The following CD109 variants were observed in gnomAD, a reference collection of about 807,000 sequenced individuals.
CD109 encodes the protein CD109 molecule.
In CD109, 149 loss-of-function variants were observed where a neutral mutation model predicts 165.8. The observed-to-expected ratio is 0.90, with a 90% confidence interval of 0.79 to 1.03. The LOEUF is 1.03. Ranked by LOEUF, CD109 falls within the 50% of genes least tolerant of loss-of-function variation. CD109 has a pLI of 0.00. For missense variants in CD109, 1,712 were observed against 1,677.8 expected (o/e 1.02, Z -0.36); for synonymous variants, 585 against 592.1 (o/e 0.99, Z 0.18).
At chr6:73,773,960 A>G in intron 15 of CD109, among the ~76,000 whole-genome samples, 1 of 151,816 alleles carries the variant, frequency 6.6e-6, no homozygotes, top group East Asian at 1.9e-4. Context: ...TTTCTCTGGG[A>G]GAGTTCTTCA....
At chr6:73,809,761 T>G (rs949316836) in intron 26 of CD109, among the ~76,000 whole-genome samples, 4 of 152,118 alleles carry the variant, frequency 2.6e-5, no homozygotes, top group Admixed American at 6.6e-5. Flanking sequence ...ATACTTAACT[T>G]GTAATAGTTT....
intron 32 of CD109, among the ~76,000 whole-genome samples, chr6:73,821,951 G>C (rs1406873735): frequency 1.3e-5 from 2 of 152,148 alleles, no homozygotes. Context: ...CAGTAGCATC[G>C]GCTGGAGTTA....
chr6:73,819,127 G>A (rs1776032549), intron 31 of CD109, among the ~76,000 whole-genome samples: 1 of 152,230 alleles, frequency 6.6e-6, no homozygotes. Flanking sequence ...GAGCCGCCAT[G>A]CCTGGCTGGA....
Position 73,736,509 on chromosome 6 carries a change from G to A in CD109, c.633+1G>A, listed in dbSNP as rs761881225. The A allele has an allele frequency of 8.1e-6, 13 of 1,608,132 alleles. No individual in the cohort carries two copies. The South Asian group carries it at 1.0e-4, about 12-fold the overall frequency. On this transcript the variant is annotated splice_donor_variant, in intron 5 of 32. Transcript: ENST00000287097. LOFTEE classifies it high-confidence loss of function. ...CTGGTCTATTCAAGTTCAAGTGAAT[G>A]TGAGTATAAATATATTTTTTGGGGG... is the stretch of plus-strand genomic sequence containing the variant.
chr6:73,760,338 C>T (rs1340183682), intron 7 of CD109, among the ~76,000 whole-genome samples: 1 of 123,006 alleles, frequency 8.1e-6, no homozygotes, highest in Non-Finnish European at 1.6e-5. Flanking sequence ...ACCTGGGAGG[C>T]GGAGCTTGCA....
chr6:73,680,809 T>A, the CD109 span, among the ~76,000 whole-genome samples: 4 of 152,180 alleles, frequency 2.6e-5, no homozygotes, highest in African/African-American at 9.7e-5. Flanking sequence ...GTGTCGTTTG[T>A]CTTCTGAGTT....
At chr6:73,804,436 AG>A (rs1405545403) in intron 24 of CD109, among the ~76,000 whole-genome samples, 1 of 152,204 alleles carries the variant, frequency 6.6e-6, no homozygotes, top group African/African-American at 2.4e-5. Flanking sequence ...GGCCACGTAG[AG>A]TCTCCGTTGC....
At chr6:73,722,126 G>A (rs1457747560) in intron 2 of CD109, among the ~76,000 whole-genome samples, 1 of 152,172 alleles carries the variant, frequency 6.6e-6, no homozygotes, top group East Asian at 1.9e-4. Context: ...GGTATACTAA[G>A]TATTTTTATT....
At chr6:73,738,414 T>C (rs1772627945) in intron 5 of CD109, among the ~76,000 whole-genome samples, 1 of 152,226 alleles carries the variant, frequency 6.6e-6, no homozygotes, top group Non-Finnish European at 1.5e-5. Flanking sequence ...TTTTGGTCCA[T>C]TCAGATGCCA....
chr6:73,763,099 CTCT>C (rs1387046426), intron 9 of CD109, among the ~76,000 whole-genome samples: 1 of 152,140 alleles, frequency 6.6e-6, no homozygotes, highest in African/African-American at 2.4e-5. Context: ...CATGTGATAG[CTCT>C]TCTTAATTTT....
At chr6:73,699,971 T>C (rs1478807373) in intron 2 of CD109, among the ~76,000 whole-genome samples, 7 of 152,256 alleles carry the variant, frequency 4.6e-5, no homozygotes. Context: ...GTTGTAACAA[T>C]ATGTAGATAA....
rs199675077 is a variant in CD109 at position 73,747,995 on chromosome 6, G to GAGT, written c.634-8645_634-8643dup. Among the ~76,000 whole-genome samples, 731 of 151,376 alleles carry GAGT rather than the reference G, an allele frequency of 4.8e-3. 2 individuals are homozygous for GAGT. Among genetic ancestry groups the GAGT allele is most frequent in the Non-Finnish European group, 7.4e-3 (505 of 67,900 alleles). Reference sequence around the variant, plus strand: ...AGTGATCTTCCTGCCTCCATCTCCCGAGTAGCTGGGAGTACAGGCGTGTGC... The same window carrying GAGT: ...AGTGATCTTCCTGCCTCCATCTCCCGAGTAGTAGCTGGGAGTACAGGCGTGTGC... On this transcript the variant is annotated intron_variant, in intron 5 of 32. Coordinates refer to ENST00000287097, the MANE Select transcript of CD109 (RefSeq NM_133493.5).
chr6:73,820,048 C>A (rs1170638691), intron 31 of CD109, among the ~76,000 whole-genome samples: 1 of 152,170 alleles, frequency 6.6e-6, no homozygotes, highest in African/African-American at 2.4e-5. Context: ...CTGTGGAGTA[C>A]AGCCCCATCT....
chr6:73,733,623 C>T lies in CD109; in HGVS notation c.508-2760C>T, dbSNP rs550704850. 2.0e-3 allele frequency among the ~76,000 whole-genome samples: 304 copies of T among 152,320 alleles called. 1 individual carries two copies. Among genetic ancestry groups the T allele is most frequent in the Non-Finnish European group, 3.8e-3 (258 of 68,028 alleles). Reference sequence around the variant, plus strand: ...TGGCTTCTGCTCTGACCTCTCCATCCAGAAGTTGTTGGTGCTAGTACGGGT... The same window carrying T: ...TGGCTTCTGCTCTGACCTCTCCATCTAGAAGTTGTTGGTGCTAGTACGGGT... On this transcript the variant is annotated intron_variant, in intron 4 of 32. Coordinates refer to ENST00000287097, the MANE Select transcript of CD109 (RefSeq NM_133493.5).
chr6:73,816,978 A>T (rs879074397), intron 30 of CD109, among the ~76,000 whole-genome samples: 2 of 152,166 alleles, frequency 1.3e-5, no homozygotes, highest in Admixed American at 1.3e-4. Context: ...TGGTAGGTAG[A>T]GCCTGAAGAA....
chr6:73,723,386 A>T, intron 3 of CD109, 107 bp downstream of exon 3: 1 of 906,662 alleles, frequency 1.1e-6, no homozygotes, highest in East Asian at 2.5e-5. Flanking sequence ...TTCACGTTTC[A>T]TGTAAGTTTG....
chr6:73,770,994 A>G (rs773503523), intron 14 of CD109, among the ~76,000 whole-genome samples: 3 of 152,232 alleles, frequency 2.0e-5, no homozygotes, highest in South Asian at 2.1e-4. Context: ...AGGTGGTTCT[A>G]TGAGTCCCCG....
intron 27 of CD109, 144 bp downstream of exon 27, chr6:73,810,318 AT>A: frequency 7.9e-6 from 2 of 252,160 alleles, no homozygotes; most frequent in Non-Finnish European, 1.3e-5. Context: ...ATGTGGTTGC[AT>A]TTTTTCCTTG....
intron 21 of CD109, among the ~76,000 whole-genome samples, chr6:73,787,957 TAGGAACTACCTCAA>T (rs1240290141): frequency 6.6e-6 from 1 of 152,232 alleles, no homozygotes; most frequent in Non-Finnish European, 1.5e-5. Context: ...TGGATAATAA[TAGGAACTACCTCAA>T]AGGGTTTTTT....
Sources: gnomAD v4.1 joint callset for allele counts (sites outside exome capture counted in the v4.1 genomes callset) on GRCh38, gnomAD v4.1.1 for gene constraint, MANE v1.5 for transcripts, NCBI Gene and HGNC (gene_info 2026-07-23, HGNC 2026-07-21) for gene names.